Variants in CTNNA3 observed in about 807,000 individuals in gnomAD.
The protein encoded by CTNNA3 is catenin alpha-3.
In CTNNA3, 76 loss-of-function variants were observed where a neutral mutation model predicts 95.7. The ratio of observed to expected loss-of-function variants is 0.79; its 90% confidence interval spans 0.66 to 0.96. The LOEUF is 0.96. CTNNA3 is among the 40% of genes least tolerant of loss of function. The pLI is 0.00. For missense variants in CTNNA3, 1,191 were observed against 1,089.8 expected (o/e 1.09, Z -1.31); for synonymous variants, 431 against 374.4 (o/e 1.15, Z -1.74).
chr10:66,600,322 G>A (rs1448627956), intron 10 of CTNNA3, among the ~76,000 whole-genome samples: 2 of 151,742 alleles, frequency 1.3e-5, no homozygotes, highest in African/African-American at 2.4e-5. Flanking sequence ...TTGAAATAAT[G>A]TAATTTTTAA....
At chr10:67,230,907 G>C (rs1396382350) in intron 5 of CTNNA3, among the ~76,000 whole-genome samples, 22 of 152,164 alleles carry the variant, frequency 1.4e-4, no homozygotes, top group Admixed American at 1.4e-3. Flanking sequence ...CAAAGAGAGG[G>C]GTGACAGACC....
intron 3 of CTNNA3, among the ~76,000 whole-genome samples, chr10:67,546,265 G>A (rs2133216564): frequency 6.6e-6 from 1 of 152,114 alleles, no homozygotes; most frequent in South Asian, 2.1e-4. Flanking sequence ...CCAAGGAGCT[G>A]AGACTACAGG....
At chr10:67,697,387 G>A (rs1840986748), upstream of CTNNA3, among the ~76,000 whole-genome samples, 1 of 152,102 alleles carries the variant, frequency 6.6e-6, no homozygotes, top group African/African-American at 2.4e-5. Context: ...CAAAATAGCA[G>A]GTTTTGTTTT....
At chr10:66,104,968 C>T (rs1440538596) in intron 13 of CTNNA3, among the ~76,000 whole-genome samples, 4 of 152,160 alleles carry the variant, frequency 2.6e-5, no homozygotes, top group Non-Finnish European at 5.9e-5. Context: ...TCATTAATGG[C>T]TTCAGATTCT....
intron 9 of CTNNA3, among the ~76,000 whole-genome samples, chr10:66,700,891 A>C (rs1220724714): frequency 6.6e-6 from 1 of 152,198 alleles, no homozygotes; most frequent in African/African-American, 2.4e-5. Context: ...TAATCTGCTT[A>C]TATAGCACAT....
At chr10:67,349,101 C>T (rs1842540185) in intron 5 of CTNNA3, among the ~76,000 whole-genome samples, 1 of 152,108 alleles carries the variant, frequency 6.6e-6, no homozygotes, top group Non-Finnish European at 1.5e-5. Context: ...TGCACACTGT[C>T]AGTGGAAATG....
chr10:66,856,593 T>C (rs1430589366), intron 7 of CTNNA3, among the ~76,000 whole-genome samples: 1 of 152,092 alleles, frequency 6.6e-6, no homozygotes, highest in Non-Finnish European at 1.5e-5. Context: ...TTTTAAATAA[T>C]AGCCATTCTG....
chr10:66,424,088 T>A (rs950374088), intron 11 of CTNNA3, among the ~76,000 whole-genome samples: 4 of 152,110 alleles, frequency 2.6e-5, no homozygotes, highest in African/African-American at 9.6e-5. Flanking sequence ...AATTTTCCAG[T>A]TTATTGAAGC....
At chr10:66,307,516 A>C (rs1246569918) in intron 12 of CTNNA3, among the ~76,000 whole-genome samples, 1 of 152,190 alleles carries the variant, frequency 6.6e-6, no homozygotes, top group Non-Finnish European at 1.5e-5. Flanking sequence ...AGTCATCTTT[A>C]ACACTTCTAA....
intron 6 of CTNNA3, 23 bp downstream of exon 6, chr10:67,219,584 A>T (rs558216245): frequency 6.2e-7 from 1 of 1,603,266 alleles, no homozygotes; most frequent in Non-Finnish European, 8.5e-7. Flanking sequence ...ATCAGATCAC[A>T]CTTTATCTTT....
chr10:66,437,243 AG>A (rs1363328105), intron 11 of CTNNA3, among the ~76,000 whole-genome samples: 2 of 152,038 alleles, frequency 1.3e-5, no homozygotes, highest in African/African-American at 4.8e-5. Context: ...CTGCCTTGCT[AG>A]GTTGGGGAAG....
intron 5 of CTNNA3, among the ~76,000 whole-genome samples, chr10:67,307,668 T>C (rs117643779): frequency 6.6e-6 from 1 of 152,296 alleles, no homozygotes; most frequent in Non-Finnish European, 1.5e-5. Context: ...TATGTCAGTA[T>C]CAGATATTGA....
intron 1 of CTNNA3, among the ~76,000 whole-genome samples, chr10:67,735,090 T>A (rs1281590274): frequency 6.6e-6 from 1 of 151,560 alleles, no homozygotes; most frequent in African/African-American, 2.4e-5. Context: ...AGGTTGGAAA[T>A]GTAAACTTTT....
chr10:66,144,493 A>AT lies in CTNNA3; in HGVS notation c.1885-41245dup, dbSNP rs998280422. On this transcript the variant is annotated intron_variant, in intron 13 of 17. Coordinates refer to ENST00000433211, the MANE Select transcript of CTNNA3 (RefSeq NM_013266.4). ...CTGGTTAATTTATATTTATTTATTT[A>AT]TTTTTTTTTTTGAGACAGAGTTTCG... 3.7e-3 allele frequency among the ~76,000 whole-genome samples: 553 copies of AT among 147,522 alleles called. 3 individuals carry two copies. Among genetic ancestry groups the AT allele is most frequent in the Middle Eastern group, 0.014 (4 of 284 alleles).
chr10:65,938,558 T>C (rs2077378867), intron 17 of CTNNA3, among the ~76,000 whole-genome samples: 1 of 152,182 alleles, frequency 6.6e-6, no homozygotes, highest in African/African-American at 2.4e-5. Flanking sequence ...TTCTCATCTA[T>C]GAACTTTCCA....
chr10:67,760,183 C>A (rs1368387870), intron 1 of CTNNA3, among the ~76,000 whole-genome samples: 1 of 152,154 alleles, frequency 6.6e-6, no homozygotes, highest in Non-Finnish European at 1.5e-5. Context: ...ATTAAGGTGT[C>A]AGTATCAGTT....
chr10:67,759,897 G>T (rs942344718), intron 1 of CTNNA3, among the ~76,000 whole-genome samples: 1 of 152,150 alleles, frequency 6.6e-6, no homozygotes, highest in African/African-American at 2.4e-5. Context: ...CCAAACCTCA[G>T]ATGAGATTGC....
At chr10:66,661,581 T>G (rs1283016070) in intron 9 of CTNNA3, among the ~76,000 whole-genome samples, 1 of 152,144 alleles carries the variant, frequency 6.6e-6, no homozygotes, top group East Asian at 1.9e-4. Context: ...TCTTGAGGTA[T>G]AAAGCATTGA....
At chr10:67,289,906 C>A (rs1839766522) in intron 5 of CTNNA3, among the ~76,000 whole-genome samples, 1 of 151,836 alleles carries the variant, frequency 6.6e-6, no homozygotes, top group Non-Finnish European at 1.5e-5. Flanking sequence ...TTCAAGGGAT[C>A]TTCCCACCTC....
Sources: gnomAD v4.1 joint callset for allele counts (sites outside exome capture counted in the v4.1 genomes callset) on GRCh38, gnomAD v4.1.1 for gene constraint, MANE v1.5 for transcripts, NCBI Gene and HGNC (gene_info 2026-07-23, HGNC 2026-07-21) for gene names.